The following USP3 variants were observed in gnomAD, a reference collection of about 807,000 sequenced individuals.
The protein encoded by USP3 is ubiquitin specific peptidase 3.
In USP3, 20 loss-of-function variants were observed where a neutral mutation model predicts 72.3. The ratio of observed to expected loss-of-function variants is 0.28; its 90% confidence interval spans 0.19 to 0.40. USP3 has a LOEUF of 0.40. USP3 is among the 10% of genes least tolerant of loss of function. The pLI is 1.00. For synonymous variants in USP3, 222 were observed against 225.3 expected (o/e 0.99, Z 0.13); for missense variants, 479 against 633.9 (o/e 0.76, Z 2.62).
intron 1 of USP3, among the ~76,000 whole-genome samples, chr15:63,508,725 T>G (rs936892065): frequency 3.3e-5 from 5 of 152,172 alleles, no homozygotes; most frequent in Non-Finnish European, 7.4e-5. Flanking sequence ...TGAATGCAAG[T>G]GTTTTGATAA....
At position 63,529,448 on chromosome 15, in the gene USP3, C is replaced by G. The variant is rs1391841461; in HGVS notation, c.92-3199C>G. 6.6e-6 allele frequency among the ~76,000 whole-genome samples: 1 copy of G among 152,090 alleles called. No homozygotes were observed. The highest frequency in any genetic ancestry group is 1.5e-5 in the Non-Finnish European group (1 of 68,010). The stretch of plus-strand genomic sequence containing the variant: ...CATTTTCATAACCCCAAAATAAACT[C>G]TATACCAATTAAACAGTTACTTCCC... On this transcript the variant is annotated intron_variant, in intron 1 of 14. Coordinates refer to ENST00000380324, the MANE Select transcript of USP3 (RefSeq NM_006537.4). The surrounding 1 kb of genome is among the most constrained non-coding windows in gnomAD (Gnocchi z 4.2).
In USP3 at chr15:63,529,806, C is replaced by T. The variant is rs1346386353; in HGVS notation, c.92-2841C>T. Among the ~76,000 whole-genome samples, 1 of 152,126 alleles carries T rather than the reference C, an allele frequency of 6.6e-6. No homozygotes were observed. The highest frequency in any genetic ancestry group is 1.5e-5 in the Non-Finnish European group (1 of 68,002). On this transcript the variant is annotated intron_variant, in intron 1 of 14. Transcript: ENST00000380324. This position sits in a 1 kb window ranked among gnomAD's most constrained non-coding sequence, Gnocchi z 4.2. The stretch of plus-strand genomic sequence containing the variant: ...GTACAAAGGAGGGACAAAAATCCTC[C>T]ATAATTAAAAAAATATCCTGGGTAG...
intron 4 of USP3, chr15:63,556,443 G>T: frequency 2.6e-6 from 1 of 384,908 alleles, no homozygotes. Context: ...AGCTTTGCCA[G>T]GAGCAGTGTC....
chr15:63,553,900 T>A lies in USP3; in HGVS notation c.368+102T>A, dbSNP rs1012346225. 1.4e-5 allele frequency: 12 copies of A among 835,262 alleles called. No homozygotes were observed. The highest frequency in any genetic ancestry group is 2.2e-5 in the Non-Finnish European group (12 of 549,154). 51.7% of individuals were successfully genotyped at this position (835,262 alleles called of 1,614,324 possible). The stretch of plus-strand genomic sequence containing the variant: ...TTTGTTGATGAGTTTAATAACTTCA[T>A]GTTTATAATATGATTGAAATGTTAA... On this transcript the variant is annotated intron_variant, in intron 4 of 14. Transcript: ENST00000380324. This position sits in a 1 kb window ranked among gnomAD's most constrained non-coding sequence, Gnocchi z 4.2.
chr15:63,556,592 G>A (rs764137571), intron 4 of USP3, 75 bp from the exon 5 acceptor site: 26 of 1,211,452 alleles, frequency 2.1e-5, no homozygotes, highest in Non-Finnish European at 2.9e-5. Context: ...GAGGGCAGCT[G>A]GAGTTTATTC....
chr15:63,563,358 C>T (rs1014200101), intron 8 of USP3, among the ~76,000 whole-genome samples: 1 of 152,056 alleles, frequency 6.6e-6, no homozygotes, highest in Non-Finnish European at 1.5e-5. Context: ...TCTTGTTATT[C>T]CAGCTAAAAA....
In USP3 at chr15:63,537,284, G is replaced by A. The variant is rs1021927229; in HGVS notation, c.284+128G>A. The A allele has an allele frequency of 1.5e-5, 16 of 1,093,120 alleles. No individual in the cohort carries two copies. The East Asian group carries it at 2.6e-4, about 18-fold the overall frequency. The allele number at this position is 1,093,120 out of a possible 1,614,324, so 67.7% of individuals were successfully genotyped here. On this transcript the variant is annotated intron_variant, in intron 3 of 14. Coordinates refer to ENST00000380324, the MANE Select transcript of USP3 (RefSeq NM_006537.4). Reference sequence around the variant, plus strand: ...TCCTTTTACAACTGTTAGGATTCACGGAGGACTGGAGCCATTGGGAACGCC... The same window carrying A: ...TCCTTTTACAACTGTTAGGATTCACAGAGGACTGGAGCCATTGGGAACGCC...
In USP3 at chr15:63,574,429, AT is replaced by A. The variant is rs1326246929; in HGVS notation, c.1096+33del. ...GTAAAGATACTTGAATGTTCTAAAA[AT>A]TTTTTTCTTTAAATAATTGAATAGA... On this transcript the variant is annotated intron_variant, in intron 11 of 14. Coordinates refer to ENST00000380324, the MANE Select transcript of USP3 (RefSeq NM_006537.4). The surrounding 1 kb of genome is among the most constrained non-coding windows in gnomAD (Gnocchi z 4.6). 4.5e-6 allele frequency: 7 copies of A among 1,567,086 alleles called. No homozygotes were observed. In the African/African-American group the frequency reaches 5.5e-5, roughly 12 times the overall value.
chr15:63,579,696 T>C (rs1171323860), intron 11 of USP3, among the ~76,000 whole-genome samples: 4 of 152,116 alleles, frequency 2.6e-5, no homozygotes, highest in African/African-American at 9.7e-5. Flanking sequence ...TAAATTTAAT[T>C]GAGCAATGGT....
intron 3 of USP3, among the ~76,000 whole-genome samples, chr15:63,541,186 G>T (rs2066239568): frequency 6.6e-6 from 1 of 152,062 alleles, no homozygotes; most frequent in Admixed American, 6.5e-5. Flanking sequence ...CTTCAGGGCA[G>T]GTAATGTTTT....
chr15:63,508,093 C>G lies in USP3; in HGVS notation c.91+3263C>G, dbSNP rs560140546. 3.3e-5 allele frequency among the ~76,000 whole-genome samples: 5 copies of G among 152,280 alleles called. No homozygotes were observed. In the South Asian group the frequency reaches 6.2e-4, roughly 19 times the overall value. On this transcript the variant is annotated intron_variant, in intron 1 of 14. Coordinates refer to ENST00000380324, the MANE Select transcript of USP3 (RefSeq NM_006537.4). Reference sequence around the variant, plus strand: ...ATGCAGCCTCAGGAACACCCCACTGCATGCTTGTGAGAGAATGACTGTAAA... The same window carrying G: ...ATGCAGCCTCAGGAACACCCCACTGGATGCTTGTGAGAGAATGACTGTAAA...
At chr15:63,560,357 G>A (rs1388466731) in intron 7 of USP3, among the ~76,000 whole-genome samples, 10 of 151,438 alleles carry the variant, frequency 6.6e-5, no homozygotes, top group Admixed American at 2.0e-4. Flanking sequence ...CAGAGGTTGC[G>A]GTGAGCCGAG....
chr15:63,568,197 C>G (rs1429685997), intron 8 of USP3, among the ~76,000 whole-genome samples: 2 of 151,928 alleles, frequency 1.3e-5, no homozygotes, highest in African/African-American at 4.8e-5. Flanking sequence ...ACCAAAAATA[C>G]AAAAATTAGC....
At chr15:63,512,350 TTCC>T (rs1342943909) in intron 1 of USP3, among the ~76,000 whole-genome samples, 3 of 42,448 alleles carry the variant, frequency 7.1e-5, no homozygotes, top group Admixed American at 2.4e-4. Flanking sequence ...CTTCCTCCTC[TTCC>T]TCTTCTTCTT....
chr15:63,516,037 C>G (rs550244409), intron 1 of USP3, among the ~76,000 whole-genome samples: 2 of 152,210 alleles, frequency 1.3e-5, no homozygotes, highest in Admixed American at 6.5e-5. Flanking sequence ...CCTTCAGTCT[C>G]TCCATTTCCC....
intron 1 of USP3, among the ~76,000 whole-genome samples, chr15:63,505,306 T>C (rs2065697001): frequency 6.6e-6 from 1 of 152,108 alleles, no homozygotes; most frequent in Non-Finnish European, 1.5e-5. Context: ...TTGTCTGGGC[T>C]GCGGGGCGCG....
chr15:63,513,655 A>C (rs540308349), intron 1 of USP3, among the ~76,000 whole-genome samples: 1 of 152,324 alleles, frequency 6.6e-6, no homozygotes, highest in African/African-American at 2.4e-5. Flanking sequence ...GATTACAGAT[A>C]TGAGCCACCA....
At chr15:63,505,350 G>T (rs971588338) in intron 1 of USP3, among the ~76,000 whole-genome samples, 2 of 152,224 alleles carry the variant, frequency 1.3e-5, no homozygotes, top group African/African-American at 4.8e-5. Flanking sequence ...CCCGGCCCGG[G>T]TTTCCTTTCC....
intron 1 of USP3, among the ~76,000 whole-genome samples, chr15:63,522,301 G>T (rs2065930822): frequency 6.6e-6 from 1 of 152,244 alleles, no homozygotes; most frequent in Non-Finnish European, 1.5e-5. Flanking sequence ...TCCCATCAGA[G>T]GGGCCACAAG....
Sources: gnomAD v4.1 joint callset for allele counts (sites outside exome capture counted in the v4.1 genomes callset) on GRCh38, gnomAD v4.1.1 for gene constraint, Gnocchi (gnomAD v3.1) non-coding constraint, MANE v1.5 for transcripts, NCBI Gene and HGNC (gene_info 2026-07-23, HGNC 2026-07-21) for gene names.